Variants in TRA2B observed in about 807,000 individuals in gnomAD.
The protein encoded by TRA2B is transformer 2 beta homolog.
A neutral mutation model predicts 41.7 loss-of-function variants in TRA2B; 14 were observed. The ratio of observed to expected loss-of-function variants is 0.34; its 90% CI spans 0.22 to 0.53. The LOEUF is 0.53. TRA2B is among the 20% of genes least tolerant of loss of function. The pLI, the probability that TRA2B is intolerant of heterozygous loss-of-function variation, is 0.95. For synonymous variants in TRA2B, 130 were observed against 128.8 expected (o/e 1.01, Z -0.06); for missense variants, 167 against 396.8 (o/e 0.42, Z 4.92).
Position 185,934,805 on chromosome 3 carries a change from G to A in TRA2B, c.36+3020C>T, listed in dbSNP as rs937219030. Reference sequence around the variant, plus strand: ...AAGCAGTTTGATGGGTTGGTGTCCAGATGCTGCTATTCATCTCTAATGATA... The same window carrying A: ...AAGCAGTTTGATGGGTTGGTGTCCAAATGCTGCTATTCATCTCTAATGATA... On this transcript the variant is annotated intron_variant, in intron 1 of 8. Transcript: ENST00000453386. 1.3e-4 allele frequency: 125 copies of A among 985,320 alleles called. 1 individual carries two copies. Among genetic ancestry groups the A allele is most frequent in the Middle Eastern group, 1.0e-3 (2 of 1,936 alleles). 61.0% of individuals were successfully genotyped at this position (985,320 alleles called of 1,614,324 possible).
At chr3:185,929,996 T>G (rs1233099135) in intron 1 of TRA2B, among the ~76,000 whole-genome samples, 15 of 152,118 alleles carry the variant, frequency 9.9e-5, no homozygotes, top group Admixed American at 7.9e-4. Context: ...GAAGCCGGCC[T>G]CCTCCTCATC....
At chr3:185,918,031 A>ATTAT (rs1252198582) in intron 8 of TRA2B, among the ~76,000 whole-genome samples, 1 of 152,030 alleles carries the variant, frequency 6.6e-6, no homozygotes, top group Non-Finnish European at 1.5e-5. Flanking sequence ...GTGGAAATAC[A>ATTAT]TTATTTACTG....
At chr3:185,926,073 C>G (rs1391472446) in intron 2 of TRA2B, among the ~76,000 whole-genome samples, 2 of 151,986 alleles carry the variant, frequency 1.3e-5, no homozygotes, top group African/African-American at 4.8e-5. Flanking sequence ...TCTAAATTGT[C>G]ATCGAAACGA....
intron 1 of TRA2B, chr3:185,935,862 A>G (rs1214139971): frequency 1.0e-6 from 1 of 985,352 alleles, no homozygotes; most frequent in East Asian, 1.1e-4. Flanking sequence ...GTAAAAGTTT[A>G]GAGATCTCGG....
chr3:185,931,779 T>C, intron 1 of TRA2B: 6 of 1,502,520 alleles, frequency 4.0e-6, no homozygotes, highest in Admixed American at 2.3e-5. Flanking sequence ...GCTTCACTTA[T>C]TCCTGAGCTT....
chr3:185,927,139 CTATA>C (rs1035836088), intron 1 of TRA2B: 5 of 152,428 alleles, frequency 3.3e-5, no homozygotes, highest in African/African-American at 1.2e-4. Context: ...AAACAAAATC[CTATA>C]TAATTTATAT....
chr3:185,918,775 A>G (rs562084750), intron 7 of TRA2B, among the ~76,000 whole-genome samples: 2 of 152,246 alleles, frequency 1.3e-5, no homozygotes, highest in South Asian at 4.2e-4. Context: ...TTGGGAGGCC[A>G]AGGCAGGAGG....
In TRA2B at chr3:185,915,682, C is replaced by T. The variant is rs1362683898; in HGVS notation, c.*2033G>A. Reference sequence around the variant, plus strand: ...AAAGCCAGAAAACAACTCAAACTAGCCTAAAAAAGGAAACTTTCAATCAGC... The same window carrying T: ...AAAGCCAGAAAACAACTCAAACTAGTCTAAAAAAGGAAACTTTCAATCAGC... On this transcript the variant is annotated 3_prime_UTR_variant, in exon 9 of 9. Transcript: ENST00000453386. Among the ~76,000 whole-genome samples, 2 of 152,008 alleles carry T rather than the reference C, an allele frequency of 1.3e-5. No individual in the cohort carries two copies. The highest frequency in any genetic ancestry group is 4.8e-5 in the African/African-American group (2 of 41,374).
rs1314230032 is a variant in TRA2B at position 185,915,985 on chromosome 3, T to A, written c.*1730A>T. On this transcript the variant is annotated 3_prime_UTR_variant, in exon 9 of 9. Coordinates refer to ENST00000453386, the MANE Select transcript of TRA2B (RefSeq NM_004593.3). ...ACACCCTAAAACTCAACTTTATATA[T>A]AAATACTACAAATTCTTGTTTCAAA... 2 of 152,328 alleles carry A rather than the reference T, an allele frequency of 1.3e-5. No homozygotes were observed. The highest frequency in any genetic ancestry group is 1.3e-4 in the Admixed American group (2 of 15,302). The allele number at this position is 152,328 out of a possible 1,614,324, so 9.4% of individuals were successfully genotyped here. A position where few individuals can be genotyped will look rare whatever the true frequency, so the allele number is the denominator to read the frequency against.
chr3:185,928,614 A>T (rs1157922288), intron 1 of TRA2B: 1 of 152,202 alleles, frequency 6.6e-6, no homozygotes, highest in Non-Finnish European at 1.5e-5. Context: ...CACAGGCAAA[A>T]ATTAACATAG....
intron 2 of TRA2B, 48 bp downstream of exon 2, chr3:185,926,553 A>G (rs1257801601): frequency 2.5e-6 from 4 of 1,607,954 alleles, no homozygotes; most frequent in Non-Finnish European, 3.4e-6. Context: ...ACACGCACCA[A>G]TTTCAGAGCT....
intron 1 of TRA2B, chr3:185,936,670 CA>C (rs1744368509): frequency 5.2e-6 from 5 of 969,054 alleles, no homozygotes; most frequent in Admixed American, 1.4e-4. Context: ...ACTTAGGTAA[CA>C]AATTGTTTTT....
chr3:185,936,186 C>T (rs1188676392), intron 1 of TRA2B: 1 of 985,230 alleles, frequency 1.0e-6, no homozygotes, highest in African/African-American at 1.7e-5. Context: ...TAGAAAGGTA[C>T]CCAATAATTG....
chr3:185,917,849 C>T (rs1459999850), intron 8 of TRA2B, 124 bp from the exon 9 acceptor site: 3 of 882,240 alleles, frequency 3.4e-6, no homozygotes, highest in Middle Eastern at 2.2e-4. Flanking sequence ...CCCCACCACC[C>T]CCAAATAGAG....
chr3:185,937,196 C>A (rs927429339), intron 1 of TRA2B: 26 of 985,718 alleles, frequency 2.6e-5, no homozygotes, highest in Non-Finnish European at 2.9e-5. Flanking sequence ...ATCCCCTCCA[C>A]CTAACGGGCC....
chr3:185,929,544 G>A (rs970806023), intron 1 of TRA2B, among the ~76,000 whole-genome samples: 1 of 152,074 alleles, frequency 6.6e-6, no homozygotes, highest in African/African-American at 2.4e-5. Context: ...AATCAATCAA[G>A]CTCTCACAGA....
At chr3:185,920,765 G>C (rs746928470) in intron 6 of TRA2B, among the ~76,000 whole-genome samples, 10 of 152,004 alleles carry the variant, frequency 6.6e-5, no homozygotes, top group Non-Finnish European at 1.0e-4. Flanking sequence ...TGGATCTCAG[G>C]TGATCTGCCT....
chr3:185,928,112 C>T (rs910734785), intron 1 of TRA2B: 2 of 152,192 alleles, frequency 1.3e-5, no homozygotes, highest in African/African-American at 4.8e-5. Context: ...TTCTAAATTA[C>T]AGCTCAAAAC....
At chr3:185,936,082 T>G in intron 1 of TRA2B, 1 of 985,434 alleles carries the variant, frequency 1.0e-6, no homozygotes, top group Non-Finnish European at 1.2e-6. Flanking sequence ...AATATACTAA[T>G]GAACTCTGGG....
Sources: allele counts gnomAD v4.1 joint callset (sites outside exome capture counted in the v4.1 genomes callset), GRCh38; gene constraint gnomAD v4.1.1; transcripts MANE v1.5; gene names NCBI Gene and HGNC (gene_info 2026-07-23, HGNC 2026-07-21).